The following FOXJ3 variants were observed in gnomAD, a reference collection of about 807,000 sequenced individuals.
FOXJ3 encodes the protein forkhead box J3.
FOXJ3 carries 22 observed loss-of-function variants against 76.1 expected under a neutral mutation model. That is an observed-to-expected ratio of 0.29 (90% CI 0.21 to 0.41). The LOEUF (loss-of-function observed/expected upper bound fraction) is 0.41. Among genes scored for constraint, FOXJ3 ranks in the 10% least tolerant of loss-of-function variants. The pLI is 1.00. For missense variants in FOXJ3, 613 were observed against 762.1 expected, an observed-to-expected ratio of 0.80 and a Z score of 2.30; for synonymous variants, 269 against 261.2, an observed-to-expected ratio of 1.03 and a Z score of -0.29.
chr1:42,227,155 A>T (rs1030562168), intron 5 of FOXJ3, among the ~76,000 whole-genome samples: 8 of 152,278 alleles, frequency 5.3e-5, no homozygotes, highest in African/African-American at 1.9e-4. Flanking sequence ...AAATTCTACA[A>T]GAACAAAAAT....
At chr1:42,200,587 TC>T (rs1646744883) in intron 6 of FOXJ3, among the ~76,000 whole-genome samples, 1 of 152,228 alleles carries the variant, frequency 6.6e-6, no homozygotes, top group Non-Finnish European at 1.5e-5. Flanking sequence ...CAAGCGATTC[TC>T]CTGCCTCAGC....
chr1:42,293,038 C>G (rs1653545808), intron 2 of FOXJ3, among the ~76,000 whole-genome samples: 1 of 152,042 alleles, frequency 6.6e-6, no homozygotes, highest in African/African-American at 2.4e-5. Flanking sequence ...AAGGTGGAGG[C>G]TGCAGTGAAC....
intron 4 of FOXJ3, among the ~76,000 whole-genome samples, chr1:42,228,563 C>A (rs1647778030): frequency 1.5e-5 from 1 of 66,280 alleles, no homozygotes; most frequent in Non-Finnish European, 3.1e-5. Context: ...AACTGTGACT[C>A]TCCAAAAAAA....
chr1:42,238,373 A>T (rs774050401), intron 4 of FOXJ3, among the ~76,000 whole-genome samples: 1 of 152,176 alleles, frequency 6.6e-6, no homozygotes, highest in Non-Finnish European at 1.5e-5. Context: ...CTGTATAAAA[A>T]TCAGAAATCA....
intron 4 of FOXJ3, among the ~76,000 whole-genome samples, chr1:42,250,613 T>C (rs942556572): frequency 3.9e-5 from 6 of 152,042 alleles, no homozygotes. Context: ...GGTCGGCAGT[T>C]TGAGACCAGC....
At position 42,255,827 on chromosome 1, in the gene FOXJ3, C is replaced by T. The variant is rs185497317; in HGVS notation, c.444+9288G>A. On this transcript the variant is annotated intron_variant, in intron 4 of 12. Transcript: ENST00000361346. ...CACAAGGTCAGGAGTTCAAGACCAG[C>T]CTGGCCAATATAGTGAAACCCCGTC... Among the ~76,000 whole-genome samples the T allele has an allele frequency of 7.9e-5, 12 of 152,172 alleles. No individual in the cohort carries two copies. In the East Asian group the frequency reaches 1.4e-3, roughly 17 times the overall value.
chr1:42,298,154 C>T (rs1052589412), intron 2 of FOXJ3, among the ~76,000 whole-genome samples: 1 of 152,146 alleles, frequency 6.6e-6, no homozygotes, highest in African/African-American at 2.4e-5. Context: ...TCCTTCCTGC[C>T]GCCATGTGAA....
chr1:42,200,687 T>G (rs1646747540), intron 6 of FOXJ3, among the ~76,000 whole-genome samples: 1 of 152,046 alleles, frequency 6.6e-6, no homozygotes, highest in African/African-American at 2.4e-5. Context: ...ACTATGTTGG[T>G]CATGCTGGTC....
chr1:42,264,842 C>T (rs181437545), intron 4 of FOXJ3: 462 of 355,158 alleles, frequency 1.3e-3, no homozygotes, highest in Middle Eastern at 3.8e-3. Context: ...TGGTTCCTGA[C>T]AAGCAGCTCA....
chr1:42,215,378 A>C (rs1034753280), intron 5 of FOXJ3, among the ~76,000 whole-genome samples: 1 of 152,126 alleles, frequency 6.6e-6, no homozygotes, highest in African/African-American at 2.4e-5. Context: ...ATGGAAATGA[A>C]TAAGTAAAGA....
intron 11 of FOXJ3, among the ~76,000 whole-genome samples, chr1:42,183,468 G>A (rs555218976): frequency 2.0e-5 from 3 of 151,300 alleles, no homozygotes; most frequent in South Asian, 2.1e-4. Context: ...AAGTGTTATC[G>A]CCTCCAAAAT....
intron 4 of FOXJ3, among the ~76,000 whole-genome samples, chr1:42,252,413 A>G (rs1023897744): frequency 4.6e-5 from 7 of 152,054 alleles, no homozygotes; most frequent in Non-Finnish European, 5.9e-5. Context: ...ATTTGCGTAG[A>G]GGTGTTTGTA....
chr1:42,257,390 G>GA (rs1650676772), intron 4 of FOXJ3, among the ~76,000 whole-genome samples: 2 of 151,920 alleles, frequency 1.3e-5, no homozygotes, highest in Admixed American at 1.3e-4. Flanking sequence ...ATAAACTTCA[G>GA]AAAAAAATCA....
At chr1:42,284,960 C>T (rs1473208942) in intron 2 of FOXJ3, among the ~76,000 whole-genome samples, 1 of 152,126 alleles carries the variant, frequency 6.6e-6, no homozygotes, top group Non-Finnish European at 1.5e-5. Flanking sequence ...TACTTCAAAA[C>T]TGACTTTCTT....
chr1:42,194,093 T>C (rs1569812419), intron 8 of FOXJ3, among the ~76,000 whole-genome samples: 4 of 152,312 alleles, frequency 2.6e-5, no homozygotes, highest in Admixed American at 2.6e-4. Flanking sequence ...TGTTTATAAA[T>C]TACCCATTCT....
chr1:42,282,368 C>T (rs920892267), intron 2 of FOXJ3, among the ~76,000 whole-genome samples: 1 of 152,196 alleles, frequency 6.6e-6, no homozygotes, highest in Non-Finnish European at 1.5e-5. Flanking sequence ...TATGCCTAAA[C>T]ACTTTCAATG....
At chr1:42,226,815 T>C (rs1226076409) in intron 5 of FOXJ3, among the ~76,000 whole-genome samples, 1 of 152,210 alleles carries the variant, frequency 6.6e-6, no homozygotes, top group Non-Finnish European at 1.5e-5. Flanking sequence ...CTGTACCTCA[T>C]GAACTCATGT....
chr1:42,192,167 C>T (rs1375050564), intron 8 of FOXJ3, among the ~76,000 whole-genome samples: 2 of 152,130 alleles, frequency 1.3e-5, no homozygotes, highest in African/African-American at 2.4e-5. Flanking sequence ...GATAGAAGAC[C>T]GCACAATCTA....
At chr1:42,319,458 T>A (rs1296143156) in intron 1 of FOXJ3, among the ~76,000 whole-genome samples, 1 of 152,168 alleles carries the variant, frequency 6.6e-6, no homozygotes, top group Non-Finnish European at 1.5e-5. Flanking sequence ...CAAATTCATG[T>A]GAGTAATTAG....
Sources: allele counts gnomAD v4.1 joint callset (sites outside exome capture counted in the v4.1 genomes callset), GRCh38; gene constraint gnomAD v4.1.1; transcripts MANE v1.5; gene names NCBI Gene and HGNC (gene_info 2026-07-23, HGNC 2026-07-21).